The following ATRN variants were observed in gnomAD, a reference collection of about 807,000 sequenced individuals.
ATRN encodes the protein attractin.
A neutral mutation model predicts 178.7 loss-of-function variants in ATRN; 54 were observed. That is an observed-to-expected ratio of 0.30 (90% CI 0.24 to 0.38). ATRN has a LOEUF of 0.38. Ranked by LOEUF, ATRN falls within the 10% of genes least tolerant of loss-of-function variation. The pLI is 1.00. For synonymous variants in ATRN, 636 were observed against 663.0 expected (o/e 0.96, Z 0.63); for missense variants, 1,443 against 1,815.1 (o/e 0.79, Z 3.73).
intron 25 of ATRN, among the ~76,000 whole-genome samples, chr20:3,630,916 CTTTTTTTTTTTTTTTTTTTTTTTTTT>C (rs368394749): frequency 0.013 from 565 of 43,434 alleles, 7 homozygotes; most frequent in Middle Eastern, 0.1. Flanking sequence ...ATTTATTTAG[CTTTTTTTTTTTTTTTTTTTTTTTTTT>C]TTTTTTTTTT....
chr20:3,499,434 T>C (rs1326563499), intron 1 of ATRN, among the ~76,000 whole-genome samples: 2 of 145,642 alleles, frequency 1.4e-5, no homozygotes, highest in African/African-American at 2.6e-5. Context: ...CTTCAAACTA[T>C]ACTACAAGGC....
At chr20:3,597,863 G>A (rs1189419890) in intron 21 of ATRN, 43 bp from the exon 22 acceptor site, 1 of 1,232,234 alleles carries the variant, frequency 8.1e-7, no homozygotes, top group African/African-American at 1.5e-5. Flanking sequence ...GTTCTATTTT[G>A]TGTGTGTTTA....
intron 24 of ATRN, among the ~76,000 whole-genome samples, chr20:3,613,785 T>C (rs1341260786): frequency 6.6e-6 from 1 of 151,662 alleles, no homozygotes; most frequent in Non-Finnish European, 1.5e-5. Context: ...TCTCCTTTTT[T>C]AAATGAGATT....
At chr20:3,500,699 G>C (rs1331513492) in intron 1 of ATRN, among the ~76,000 whole-genome samples, 2 of 116,154 alleles carry the variant, frequency 1.7e-5, no homozygotes, top group East Asian at 6.1e-4. Context: ...GGTGGGGGGA[G>C]GGGGGAGGGA....
intron 1 of ATRN, among the ~76,000 whole-genome samples, chr20:3,478,789 A>G (rs6037610): frequency 0.045 from 6,764 of 151,926 alleles, 462 homozygotes; most frequent in African/African-American, 0.15. Flanking sequence ...TTCCTAACCA[A>G]ATCTTTCTAC....
At chr20:3,488,892 A>G (rs1219447849) in intron 1 of ATRN, among the ~76,000 whole-genome samples, 3 of 152,150 alleles carry the variant, frequency 2.0e-5, no homozygotes, top group Non-Finnish European at 4.4e-5. Context: ...ATTTGTCTTA[A>G]TGCTTTATAA....
At chr20:3,624,363 GGTGAGGTACTTTTCCTTAA>G in intron 24 of ATRN, 129 bp from the exon 25 acceptor site, 2 of 710,352 alleles carry the variant, frequency 2.8e-6, no homozygotes, top group Non-Finnish European at 5.0e-6. Flanking sequence ...AAACTAAAGG[GGTGAGGTACTTTTCCTTAA>G]GTGAAAAAAG....
intron 1 of ATRN, among the ~76,000 whole-genome samples, chr20:3,498,634 T>C (rs1325984059): frequency 6.6e-6 from 1 of 152,050 alleles, no homozygotes; most frequent in South Asian, 2.1e-4. Flanking sequence ...ATTCAACAGC[T>C]CTTCATGCTA....
chr20:3,542,839 A>G (rs1187786891), intron 3 of ATRN, among the ~76,000 whole-genome samples: 1 of 135,882 alleles, frequency 7.4e-6, no homozygotes, highest in Non-Finnish European at 1.6e-5. Context: ...GGGTCTCACC[A>G]TGTTGCCCGG....
At chr20:3,475,172 T>C (rs931650160) in intron 1 of ATRN, among the ~76,000 whole-genome samples, 1 of 152,174 alleles carries the variant, frequency 6.6e-6, no homozygotes, top group Admixed American at 6.5e-5. Context: ...ATGAATACCT[T>C]TCTGATTTAG....
chr20:3,614,881 A>T (rs1321547792), intron 24 of ATRN, among the ~76,000 whole-genome samples: 2 of 152,152 alleles, frequency 1.3e-5, no homozygotes, highest in Non-Finnish European at 2.9e-5. Flanking sequence ...ATTGAGTCAC[A>T]TGATATGCTC....
intron 1 of ATRN, among the ~76,000 whole-genome samples, chr20:3,511,346 GAA>G (rs2146127684): frequency 6.6e-6 from 1 of 151,618 alleles, no homozygotes; most frequent in East Asian, 1.9e-4. Flanking sequence ...AAGGCAAAAA[GAA>G]AACAAATGAC....
intron 1 of ATRN, among the ~76,000 whole-genome samples, chr20:3,532,253 T>C (rs1475647934): frequency 6.6e-6 from 1 of 152,218 alleles, no homozygotes; most frequent in African/African-American, 2.4e-5. Flanking sequence ...TGGAGAGCCA[T>C]AAAACCTTTT....
intron 20 of ATRN, among the ~76,000 whole-genome samples, chr20:3,595,807 TA>T (rs1450559920): frequency 5.3e-5 from 8 of 152,220 alleles, no homozygotes; most frequent in African/African-American, 1.9e-4. Flanking sequence ...TGTGTTTACC[TA>T]AATGCTTCAT....
intron 24 of ATRN, among the ~76,000 whole-genome samples, chr20:3,608,272 A>T (rs1280360400): frequency 2.0e-5 from 3 of 152,220 alleles, no homozygotes; most frequent in African/African-American, 7.2e-5. Context: ...TACACAAAAC[A>T]TCTTTGCCCA....
chr20:3,512,460 G>A (rs1443506522), intron 1 of ATRN, among the ~76,000 whole-genome samples: 1 of 152,034 alleles, frequency 6.6e-6, no homozygotes, highest in African/African-American at 2.4e-5. Context: ...TGGCTGCATA[G>A]TATTCCACAG....
Position 3,648,862 on chromosome 20 carries a change from G to C in ATRN, c.*2015G>C, listed in dbSNP as rs1190072618. The C allele has an allele frequency of 6.6e-6, 1 of 152,072 alleles. No homozygotes were observed. Among genetic ancestry groups the C allele is most frequent in the Non-Finnish European group, 1.5e-5 (1 of 68,012 alleles). 9.4% of individuals were successfully genotyped at this position (152,072 alleles called of 1,614,324 possible). A position where few individuals can be genotyped will look rare whatever the true frequency, so the allele number is the denominator to read the frequency against. ...GCCCCCCCAGCAAGGCCAAAGGGAGGCCCCTGGGTATTGTCCTCCTACAAG... is the reference window on the plus strand; with the variant it reads ...GCCCCCCCAGCAAGGCCAAAGGGAGCCCCCTGGGTATTGTCCTCCTACAAG... On this transcript the variant is annotated 3_prime_UTR_variant, in exon 29 of 29. Coordinates refer to ENST00000262919, the MANE Select transcript of ATRN (RefSeq NM_139321.3).
chr20:3,603,930 G>A (rs2086645430), intron 23 of ATRN, among the ~76,000 whole-genome samples, 175 bp from the exon 24 acceptor site: 1 of 152,198 alleles, frequency 6.6e-6, no homozygotes, highest in Non-Finnish European at 1.5e-5. Context: ...TATAAATGAA[G>A]ATAATAATAG....
Position 3,499,647 on chromosome 20 carries a change from C to G in ATRN, c.410+28130C>G, listed in dbSNP as rs1256933267. The stretch of plus-strand genomic sequence containing the variant: ...GCTAGCCATATGTAGAAAGCTGAAA[C>G]TGGATCCCTTCCTTACACCTTATAC... On this transcript the variant is annotated intron_variant, in intron 1 of 28. Transcript: ENST00000262919. Among the ~76,000 whole-genome samples the G allele has an allele frequency of 5.1e-3, 747 of 147,280 alleles. 7 individuals are homozygous for G. The highest frequency in any genetic ancestry group is 0.018 in the African/African-American group (723 of 39,724).
Sources: allele counts gnomAD v4.1 joint callset (sites outside exome capture counted in the v4.1 genomes callset), GRCh38; gene constraint gnomAD v4.1.1; transcripts MANE v1.5; gene names NCBI Gene and HGNC (gene_info 2026-07-23, HGNC 2026-07-21).